Variants in SGMS1 observed in about 807,000 individuals in gnomAD.
SGMS1 encodes sphingomyelin synthase 1, also known as phosphatidylcholine:ceramide cholinephosphotransferase 1.
In SGMS1, 13 loss-of-function variants were observed where a neutral mutation model predicts 46.2. The observed-to-expected ratio is 0.28, with a 90% CI of 0.18 to 0.45. SGMS1 has a LOEUF of 0.45. Ranked by LOEUF, SGMS1 falls within the 20% of genes least tolerant of loss-of-function variation. SGMS1 has a pLI of 1.00. For synonymous variants in SGMS1, 203 were observed against 187.8 expected (o/e 1.08, Z -0.66); for missense variants, 324 against 519.9 (o/e 0.62, Z 3.66).
At chr10:50,381,025 C>A (rs193169956) in intron 6 of SGMS1, among the ~76,000 whole-genome samples, 1 of 148,494 alleles carries the variant, frequency 6.7e-6, no homozygotes, top group African/African-American at 2.5e-5. Flanking sequence ...GAGATGGGAT[C>A]TCACTGTTAC....
intron 1 of SGMS1, among the ~76,000 whole-genome samples, chr10:50,612,929 G>T (rs553610157): frequency 6.6e-6 from 1 of 152,142 alleles, no homozygotes; most frequent in South Asian, 2.1e-4. Flanking sequence ...GGCTGATCTC[G>T]AATTCCTGAC....
intron 2 of SGMS1, among the ~76,000 whole-genome samples, chr10:50,565,486 G>A (rs1838279670): frequency 6.6e-6 from 1 of 152,134 alleles, no homozygotes; most frequent in Non-Finnish European, 1.5e-5. Context: ...CACCATTTAT[G>A]TTACACAAAA....
intron 2 of SGMS1, among the ~76,000 whole-genome samples, chr10:50,584,373 C>T (rs1158940235): frequency 6.6e-6 from 1 of 151,884 alleles, no homozygotes; most frequent in Admixed American, 6.6e-5. Context: ...GTGGCGGGTG[C>T]CTGTAATTCC....
At position 50,575,620 on chromosome 10, in the gene SGMS1, C is replaced by T. The variant is rs79111114; in HGVS notation, c.-589+14533G>A. On this transcript the variant is annotated intron_variant, in intron 2 of 10. Transcript: ENST00000361781. ...CCCCCGTCACCCTCCTCCCCCCACACACAAAGGACACAGGAAACTTTTGGA... is the reference window on the plus strand; with the variant it reads ...CCCCCGTCACCCTCCTCCCCCCACATACAAAGGACACAGGAAACTTTTGGA... Among the ~76,000 whole-genome samples, 273 of 152,180 alleles carry T rather than the reference C, an allele frequency of 1.8e-3. 5 individuals carry two copies. The East Asian group carries it at 0.045, about 25-fold the overall frequency.
intron 1 of SGMS1, among the ~76,000 whole-genome samples, chr10:50,600,997 C>T (rs865887654): frequency 2.0e-5 from 3 of 152,138 alleles, no homozygotes; most frequent in African/African-American, 7.2e-5. Flanking sequence ...CAGGTCTTAA[C>T]CCATGGGCCA....
chr10:50,336,361 C>G (rs1050012322), intron 7 of SGMS1, among the ~76,000 whole-genome samples: 2 of 152,200 alleles, frequency 1.3e-5, no homozygotes, highest in African/African-American at 4.8e-5. Flanking sequence ...AGTCAGTGGT[C>G]TTAAGTGCAG....
At chr10:50,452,273 G>A (rs1237017124) in intron 5 of SGMS1, among the ~76,000 whole-genome samples, 1 of 151,920 alleles carries the variant, frequency 6.6e-6, no homozygotes, top group Non-Finnish European at 1.5e-5. Flanking sequence ...ACATTACAAG[G>A]GGTTATTCTC....
At chr10:50,404,456 A>T (rs1409602236) in intron 6 of SGMS1, among the ~76,000 whole-genome samples, 3 of 152,078 alleles carry the variant, frequency 2.0e-5, no homozygotes, top group Admixed American at 6.6e-5. Context: ...GAAAATACAA[A>T]AAACTAGGTG....
intron 7 of SGMS1, among the ~76,000 whole-genome samples, chr10:50,332,206 C>T (rs1259735000): frequency 6.6e-6 from 1 of 152,186 alleles, no homozygotes; most frequent in Admixed American, 6.5e-5. Context: ...GGCTCTATCT[C>T]AGCCCAATGA....
chr10:50,596,263 G>A (rs1199884862), intron 1 of SGMS1, among the ~76,000 whole-genome samples: 2 of 150,236 alleles, frequency 1.3e-5, no homozygotes, highest in African/African-American at 4.9e-5. Context: ...CGCAACCTGC[G>A]CCTCCCTGGT....
chr10:50,470,838 AC>A (rs1186172844), intron 3 of SGMS1, among the ~76,000 whole-genome samples: 4 of 152,132 alleles, frequency 2.6e-5, no homozygotes, highest in African/African-American at 9.6e-5. Flanking sequence ...TCCATTAACT[AC>A]CCTGGGAGTT....
intron 1 of SGMS1, among the ~76,000 whole-genome samples, chr10:50,604,211 G>T (rs1380813059): frequency 2.0e-5 from 3 of 152,206 alleles, no homozygotes; most frequent in Admixed American, 2.0e-4. Context: ...CCCTCCACCA[G>T]CTGGACCCTC....
intron 2 of SGMS1, among the ~76,000 whole-genome samples, chr10:50,563,790 C>T (rs1191162634): frequency 4.0e-5 from 6 of 151,152 alleles, no homozygotes; most frequent in Non-Finnish European, 8.9e-5. Flanking sequence ...TGGAACCCAT[C>T]CTATGCAATC....
At chr10:50,554,111 G>A (rs1838171175) in intron 2 of SGMS1, among the ~76,000 whole-genome samples, 1 of 152,136 alleles carries the variant, frequency 6.6e-6, no homozygotes, top group Admixed American at 6.5e-5. Context: ...CATACATCAT[G>A]CCTAATTAAA....
intron 4 of SGMS1, among the ~76,000 whole-genome samples, chr10:50,462,193 T>C (rs1478738309): frequency 6.6e-6 from 1 of 151,990 alleles, no homozygotes; most frequent in Non-Finnish European, 1.5e-5. Context: ...GCCCAGGAGG[T>C]TGAGGCTGCA....
intron 8 of SGMS1, among the ~76,000 whole-genome samples, chr10:50,325,793 AT>A (rs2133310637): frequency 6.6e-6 from 1 of 152,252 alleles, no homozygotes; most frequent in East Asian, 1.9e-4. Context: ...TGGTAGCAAA[AT>A]TTCCCAATGC....
At chr10:50,359,791 A>G (rs1411623389) in intron 6 of SGMS1, among the ~76,000 whole-genome samples, 2 of 152,160 alleles carry the variant, frequency 1.3e-5, no homozygotes, top group African/African-American at 4.8e-5. Context: ...CTGTATTTCC[A>G]TATCTATAGT....
At position 50,343,806 on chromosome 10, in the gene SGMS1, T is replaced by C. The variant is rs1847863592; in HGVS notation, c.309A>G (p.Lys103=). The change falls in exon 7 of 11, where the codon AAA becomes AAG. Residue 103 remains lysine (K), a synonymous_variant. Transcript: ENST00000361781. ...TATACCCATTTGGCATCCCGTTGGG[T>C]TTAATCTTGATGCTGAAGCTGCCGT... ...TPDGSFSIKI[K]PNGMPNGYRK... is the part of the protein sequence containing the mutation. 1 of 1,613,936 alleles carries C rather than the reference T, an allele frequency of 6.2e-7. No individual in the cohort carries two copies. Among genetic ancestry groups the C allele is most frequent in the South Asian group, 1.1e-5 (1 of 91,080 alleles).
At chr10:50,374,217 G>C (rs538054044) in intron 6 of SGMS1, among the ~76,000 whole-genome samples, 39 of 152,208 alleles carry the variant, frequency 2.6e-4, no homozygotes, top group African/African-American at 8.4e-4. Context: ...GCATTGTCCT[G>C]GGCATTCAGT....
Sources: gnomAD v4.1 joint callset for allele counts (sites outside exome capture counted in the v4.1 genomes callset) on GRCh38, gnomAD v4.1.1 for gene constraint, MANE v1.5 for transcripts, NCBI Gene and HGNC (gene_info 2026-07-23, HGNC 2026-07-21) for gene names.